The following ABCA13 variants were observed in gnomAD, a reference collection of about 807,000 sequenced individuals.
The protein encoded by ABCA13 is ATP-binding cassette sub-family A member 13.
Under a neutral mutation model 478.7 loss-of-function variants are expected in ABCA13, and 476 were observed. The observed-to-expected ratio is 0.99, with a 90% CI of 0.92 to 1.07. The LOEUF is 1.07. Ranked by LOEUF, ABCA13 falls within the 50% of genes least tolerant of loss-of-function variation. The pLI is 0.00. For missense variants in ABCA13, 6,060 were observed against 5,910.6 expected, an observed-to-expected ratio of 1.03 and a Z score of -0.83; for synonymous variants, 2,252 against 2,158.9, an observed-to-expected ratio of 1.04 and a Z score of -1.20.
chr7:48,537,796 G>A (rs1833683733), intron 55 of ABCA13, among the ~76,000 whole-genome samples: 3 of 152,142 alleles, frequency 2.0e-5, no homozygotes, highest in East Asian at 1.9e-4. Flanking sequence ...TCAGGATGGA[G>A]CAGGTGACCA....
At chr7:48,527,518 T>C (rs1256978391) in intron 54 of ABCA13, among the ~76,000 whole-genome samples, 1 of 152,138 alleles carries the variant, frequency 6.6e-6, no homozygotes, top group Non-Finnish European at 1.5e-5. Context: ...TCAGGCACAG[T>C]ATATGCTGAG....
Position 48,352,430 on chromosome 7 carries a change from C to T in ABCA13, c.10631C>T (p.Ala3544Val), listed in dbSNP as rs569366797. The T allele has an allele frequency of 6.2e-7, 1 of 1,613,074 alleles. No homozygotes were observed. Among genetic ancestry groups the T allele is most frequent in the Non-Finnish European group, 8.5e-7 (1 of 1,179,576 alleles). The change falls in exon 31 of 62, where the codon GCC (alanine) becomes GTC (valine). Residue 3544 changes from alanine to valine, a missense_variant. This residue lies in a region of ABCA13 where 4,423 missense variants were observed against 4,309.1 expected (regional missense o/e 1.03). Transcript: ENST00000435803. Reference protein sequence around the residue: ...AIILVQTGQEALEPAAQTQAA... With the variant: ...AIILVQTGQEVLEPAAQTQAA... ...ATTTTGGTGCAGACTGGGCAGGAAGCCCTGGAACCAGCAGCACAGACTCAG... is the reference window on the plus strand; with the variant it reads ...ATTTTGGTGCAGACTGGGCAGGAAGTCCTGGAACCAGCAGCACAGACTCAG...
At chr7:48,520,445 C>T (rs983470470) in intron 53 of ABCA13, among the ~76,000 whole-genome samples, 151 bp downstream of exon 53, 6 of 152,128 alleles carry the variant, frequency 3.9e-5, no homozygotes, top group African/African-American at 1.4e-4. Flanking sequence ...ATTTTTTAAA[C>T]ATTGATTGGT....
At chr7:48,638,953 C>A (rs1043208221) in intron 59 of ABCA13, among the ~76,000 whole-genome samples, 2 of 152,194 alleles carry the variant, frequency 1.3e-5, no homozygotes, top group Non-Finnish European at 2.9e-5. Flanking sequence ...TAACTCCCTC[C>A]ATTCCCTTGG....
At chr7:48,485,730 G>A (rs1176908582) in intron 47 of ABCA13, among the ~76,000 whole-genome samples, 1 of 152,090 alleles carries the variant, frequency 6.6e-6, no homozygotes, top group African/African-American at 2.4e-5. Flanking sequence ...CATGCATTTC[G>A]CTCATGAGTC....
chr7:48,522,120 G>T (rs560951188), intron 53 of ABCA13, among the ~76,000 whole-genome samples: 1 of 152,068 alleles, frequency 6.6e-6, no homozygotes, highest in Non-Finnish European at 1.5e-5. Context: ...CTCTATTAGG[G>T]CACATCTATG....
At chr7:48,348,037 G>A (rs534871890) in intron 29 of ABCA13, among the ~76,000 whole-genome samples, 42 of 152,282 alleles carry the variant, frequency 2.8e-4, no homozygotes, top group African/African-American at 9.9e-4. Flanking sequence ...AGTCCACAAG[G>A]CCCAGTAGAC....
chr7:48,289,516 G>T (rs1798219846), intron 20 of ABCA13, among the ~76,000 whole-genome samples: 2 of 151,864 alleles, frequency 1.3e-5, no homozygotes, highest in Admixed American at 1.3e-4. Flanking sequence ...CAGCCAGCAC[G>T]CCTGGCTAAT....
At chr7:48,425,205 A>G (rs930276017) in intron 41 of ABCA13, among the ~76,000 whole-genome samples, 1 of 152,174 alleles carries the variant, frequency 6.6e-6, no homozygotes, top group Admixed American at 6.5e-5. Context: ...ATACATTCAC[A>G]CATGTTCATA....
intron 1 of ABCA13, among the ~76,000 whole-genome samples, chr7:48,172,485 G>T (rs1190270400): frequency 6.6e-6 from 1 of 152,164 alleles, no homozygotes; most frequent in African/African-American, 2.4e-5. Flanking sequence ...AATAATTTCA[G>T]TTGAAAGTTT....
At chr7:48,627,132 G>T in intron 59 of ABCA13, 1 of 813,208 alleles carries the variant, frequency 1.2e-6, no homozygotes, top group Non-Finnish European at 1.5e-6. Context: ...TCTTTATTAC[G>T]TAATGGCTAT....
intron 48 of ABCA13, among the ~76,000 whole-genome samples, chr7:48,493,731 T>C (rs1338403384): frequency 6.6e-6 from 1 of 152,234 alleles, no homozygotes; most frequent in Non-Finnish European, 1.5e-5. Flanking sequence ...TGTCTGTACA[T>C]TGGAATCACT....
intron 55 of ABCA13, among the ~76,000 whole-genome samples, chr7:48,539,476 G>A (rs533623199): frequency 6.6e-6 from 1 of 152,148 alleles, no homozygotes; most frequent in African/African-American, 2.4e-5. Flanking sequence ...CTACTCAGAG[G>A]TACAGTTCAT....
intron 59 of ABCA13, among the ~76,000 whole-genome samples, chr7:48,639,317 A>C (rs1794929211): frequency 6.6e-6 from 1 of 152,234 alleles, no homozygotes; most frequent in African/African-American, 2.4e-5. Context: ...TCCAAAGGAA[A>C]CCTATTACAA....
At chr7:48,347,112 C>A (rs1808236907) in intron 29 of ABCA13, among the ~76,000 whole-genome samples, 3 of 152,228 alleles carry the variant, frequency 2.0e-5, no homozygotes, top group Non-Finnish European at 4.4e-5. Context: ...TAGCATTTCA[C>A]AGCACTGCTG....
At chr7:48,529,284 C>A (rs894292657) in intron 55 of ABCA13, among the ~76,000 whole-genome samples, 2 of 152,192 alleles carry the variant, frequency 1.3e-5, no homozygotes, top group Non-Finnish European at 2.9e-5. Context: ...AAATCTTAGA[C>A]CTTTAATTTC....
chr7:48,405,118 A>G lies in ABCA13; in HGVS notation c.12070+1239A>G, dbSNP rs139954511. On this transcript the variant is annotated intron_variant, in intron 39 of 61. Transcript: ENST00000435803. ...TACCTTTTCATGCCCATGAACTTTGACATTGAAAGACAGGGCTTGCTAGGC... is the reference window on the plus strand; with the variant it reads ...TACCTTTTCATGCCCATGAACTTTGGCATTGAAAGACAGGGCTTGCTAGGC... Among the ~76,000 whole-genome samples, 516 of 152,366 alleles carry G rather than the reference A, an allele frequency of 3.4e-3. 12 individuals are homozygous for G. The East Asian group carries it at 0.07, about 21-fold the overall frequency.
intron 45 of ABCA13, among the ~76,000 whole-genome samples, chr7:48,472,248 A>T (rs1827582208): frequency 6.6e-6 from 1 of 152,064 alleles, no homozygotes; most frequent in Non-Finnish European, 1.5e-5. Context: ...GAAAAAAAAT[A>T]TTGAAGTTAA....
At chr7:48,644,546 T>C in intron 60 of ABCA13, 71 bp from the exon 61 acceptor site, 1 of 1,479,994 alleles carries the variant, frequency 6.8e-7, no homozygotes, top group South Asian at 1.3e-5. Flanking sequence ...GCCAATTAAA[T>C]GTAGTATGAT....
Sources: allele counts gnomAD v4.1 joint callset (sites outside exome capture counted in the v4.1 genomes callset), GRCh38; gene constraint gnomAD v4.1.1; regional missense constraint gnomAD v4.1.1; transcripts MANE v1.5; gene names NCBI Gene and HGNC (gene_info 2026-07-23, HGNC 2026-07-21).